Variants in SCEL observed in about 807,000 individuals in gnomAD.
SCEL encodes the protein sciellin.
A neutral mutation model predicts 117.6 loss-of-function variants in SCEL; 113 were observed. That is an observed-to-expected ratio of 0.96 (90% confidence interval 0.83 to 1.12). The LOEUF (loss-of-function observed/expected upper bound fraction) is 1.12, where lower values mean the gene tolerates loss of function less well. Ranked by LOEUF, SCEL falls within the 50% of genes most tolerant of loss-of-function variation. The pLI, the probability that SCEL is intolerant of heterozygous loss-of-function variation, is 0.00. For missense variants in SCEL, 785 were observed against 810.8 expected (o/e 0.97, Z 0.39); for synonymous variants, 270 against 256.2 (o/e 1.05, Z -0.51).
chr13:77,541,021 G>C (rs980750826), intron 1 of SCEL, among the ~76,000 whole-genome samples: 1 of 152,170 alleles, frequency 6.6e-6, no homozygotes, highest in Non-Finnish European at 1.5e-5. Context: ...TCAGAAAGAA[G>C]ATTGATGGAT....
At chr13:77,603,220 C>T (rs913175296) in intron 18 of SCEL, 85 bp downstream of exon 18, 13 of 756,918 alleles carry the variant, frequency 1.7e-5, no homozygotes, top group South Asian at 4.0e-5. Context: ...GCTTCATAAT[C>T]GTGTTTTATT....
At chr13:77,557,970 T>A (rs1357500457) in intron 3 of SCEL, among the ~76,000 whole-genome samples, 2 of 152,216 alleles carry the variant, frequency 1.3e-5, no homozygotes, top group Non-Finnish European at 2.9e-5. Flanking sequence ...AGGAAATATA[T>A]GGGTGTTTAG....
chr13:77,599,932 G>A (rs182224386), intron 15 of SCEL, 184 bp downstream of exon 15: 136 of 562,508 alleles, frequency 2.4e-4, no homozygotes, highest in African/African-American at 2.1e-3. Context: ...GTGACCCTGG[G>A]CAAGTTGTGT....
In SCEL at chr13:77,587,523, C is replaced by T. The variant is rs376777045; in HGVS notation, c.546-1621C>T. On this transcript the variant is annotated intron_variant, in intron 9 of 32. Coordinates refer to ENST00000349847, the MANE Select transcript of SCEL (RefSeq NM_144777.3). Reference sequence around the variant, plus strand: ...TTCCCCATTTTTTCCTAAATCCACTCGTATGATTTTTTTTTCTTTTCCCAC... The same window carrying T: ...TTCCCCATTTTTTCCTAAATCCACTTGTATGATTTTTTTTTCTTTTCCCAC... Among the ~76,000 whole-genome samples, 55 of 152,168 alleles carry T rather than the reference C, an allele frequency of 3.6e-4. No individual in the cohort carries two copies. The South Asian group carries it at 0.01, about 28-fold the overall frequency.
intron 29 of SCEL, among the ~76,000 whole-genome samples, chr13:77,634,841 A>G (rs2090198752): frequency 6.6e-6 from 1 of 152,198 alleles, no homozygotes; most frequent in African/African-American, 2.4e-5. Flanking sequence ...CCAATCTAAA[A>G]TAAGGGGTAT....
chr13:77,555,892 T>A lies in SCEL; in HGVS notation c.17T>A (p.Leu6Ter). 1.2e-6 allele frequency: 2 copies of A among 1,613,530 alleles called. No homozygotes were observed. The highest frequency in any genetic ancestry group is 1.7e-6 in the Non-Finnish European group (2 of 1,179,564). ...GAAGGCAGCATGTCCAATGTTACCTTGAGAAAAATGTCTCCCACAGGAAAT... is the reference window on the plus strand; with the variant it reads ...GAAGGCAGCATGTCCAATGTTACCTAGAGAAAAATGTCTCCCACAGGAAAT... MSNVT[L>*]RKMSPTGNEM... Residue 6 changes from leucine to a stop codon, truncating the protein, a stop_gained, in exon 2 of 33, where the codon TTG (leucine) becomes TAG (stop). Transcript: ENST00000349847. LOFTEE classifies it high-confidence loss of function.
chr13:77,608,056 G>A lies in SCEL; in HGVS notation c.1158G>A (p.Arg386=). The change falls in exon 20 of 33, where the codon AGG becomes AGA. Residue 386 remains arginine (R), a splice_region_variant and synonymous_variant. Coordinates refer to ENST00000349847, the MANE Select transcript of SCEL (RefSeq NM_144777.3). ...VDPETNKNIT[R]GQSLDNLIKV... ...TAACCATTTCTTCAATGTTTTAAAGGGGCCAGAGCCTTGATAATCTCATCA... is the reference window on the plus strand; with the variant it reads ...TAACCATTTCTTCAATGTTTTAAAGAGGCCAGAGCCTTGATAATCTCATCA... The A allele has an allele frequency of 6.2e-7, 1 of 1,610,854 alleles. No homozygotes were observed. The highest frequency in any genetic ancestry group is 8.5e-7 in the Non-Finnish European group (1 of 1,178,414).
chr13:77,599,970 T>C, intron 15 of SCEL: 1 of 523,946 alleles, frequency 1.9e-6, no homozygotes, highest in East Asian at 3.1e-5. Flanking sequence ...GTTTCCTCAT[T>C]CCATAAAATG....
intron 1 of SCEL, among the ~76,000 whole-genome samples, chr13:77,546,157 A>G (rs2154394530): frequency 1.3e-5 from 2 of 152,286 alleles, no homozygotes; most frequent in Admixed American, 1.3e-4. Flanking sequence ...GTGAGTTTTG[A>G]GGCTGAGCTA....
chr13:77,601,964 T>G, intron 15 of SCEL, 101 bp from the exon 16 acceptor site: 1 of 840,686 alleles, frequency 1.2e-6, no homozygotes, highest in Non-Finnish European at 1.8e-6. Flanking sequence ...GAGATTCTCT[T>G]GTGGGAAATC....
intron 19 of SCEL, among the ~76,000 whole-genome samples, chr13:77,605,170 C>T (rs1401342157): frequency 6.6e-6 from 1 of 152,140 alleles, no homozygotes; most frequent in Non-Finnish European, 1.5e-5. Context: ...CATGTAGTTT[C>T]CCTTGAATTC....
chr13:77,624,900 CA>C (rs2089649727), intron 27 of SCEL, among the ~76,000 whole-genome samples: 1 of 151,834 alleles, frequency 6.6e-6, no homozygotes, highest in Non-Finnish European at 1.5e-5. Context: ...GAGGTTTCCC[CA>C]AAAAAGAAAA....
chr13:77,610,134 C>G (rs117243936), intron 22 of SCEL, 28 bp downstream of exon 22: 2 of 1,525,096 alleles, frequency 1.3e-6, no homozygotes, highest in Non-Finnish European at 1.8e-6. Context: ...CTCTATTTCT[C>G]CCCCCTTTTT....
At position 77,618,056 on chromosome 13, in the gene SCEL, A is replaced by G; in HGVS notation, c.1624A>G (p.Asn542Asp). 1 of 1,610,950 alleles carries G rather than the reference A, an allele frequency of 6.2e-7. No homozygotes were observed. The highest frequency in any genetic ancestry group is 8.5e-7 in the Non-Finnish European group (1 of 1,177,212). The change falls in exon 27 of 33, where the codon AAT (asparagine) becomes GAT (aspartate). Residue 542 changes from asparagine to aspartate, a missense_variant. By Grantham distance (23) the Asn-to-Asp change is conservative. Transcript: ENST00000349847. ...KVKPSALRNT[N>D]RDQNLENLIE... is the part of the protein sequence containing the mutation. Reference sequence around the variant, plus strand: ...GAAACCTTCAGCTCTTAGAAACACTAATCGGTAAATGACCTTGACTATCTT... The same window carrying G: ...GAAACCTTCAGCTCTTAGAAACACTGATCGGTAAATGACCTTGACTATCTT...
chr13:77,581,374 A>G (rs1327148721), intron 9 of SCEL, among the ~76,000 whole-genome samples: 1 of 152,210 alleles, frequency 6.6e-6, no homozygotes, highest in Non-Finnish European at 1.5e-5. Flanking sequence ...TTTAGCAATG[A>G]ATTATTTTTT....
At chr13:77,544,342 A>G (rs2083883290) in intron 1 of SCEL, among the ~76,000 whole-genome samples, 1 of 152,142 alleles carries the variant, frequency 6.6e-6, no homozygotes, top group Admixed American at 6.5e-5. Context: ...TGTTCACACA[A>G]TCTTTCTTAA....
At chr13:77,630,714 A>AT (rs2089983869) in intron 28 of SCEL, among the ~76,000 whole-genome samples, 1 of 152,198 alleles carries the variant, frequency 6.6e-6, no homozygotes, top group Admixed American at 6.5e-5. Context: ...ACATTTTCTC[A>AT]AGTGTAAATC....
chr13:77,605,356 A>G (rs1330854860), intron 19 of SCEL, among the ~76,000 whole-genome samples: 9 of 152,306 alleles, frequency 5.9e-5, no homozygotes, highest in South Asian at 2.1e-4. Flanking sequence ...CCGCGACCCA[A>G]TGAATTCAAG....
rs1434966792 is a variant in SCEL, at chr13:77,645,122, C to T, written c.*848C>T. On this transcript the variant is annotated 3_prime_UTR_variant, in exon 33 of 33. Coordinates refer to ENST00000349847, the MANE Select transcript of SCEL (RefSeq NM_144777.3). The stretch of plus-strand genomic sequence containing the variant: ...ATTTTCTTTGTATACATTTCAAAAT[C>T]TGGGTATACTTATAATCCATTAGAA... 6.6e-6 allele frequency: 1 copy of T among 151,912 alleles called. No homozygotes were observed. The highest frequency in any genetic ancestry group is 1.5e-5 in the Non-Finnish European group (1 of 67,938). 9.4% of individuals were successfully genotyped at this position (151,912 alleles called of 1,614,324 possible).
Sources: allele counts gnomAD v4.1 joint callset (sites outside exome capture counted in the v4.1 genomes callset), GRCh38; gene constraint gnomAD v4.1.1; transcripts MANE v1.5; gene names NCBI Gene and HGNC (gene_info 2026-07-23, HGNC 2026-07-21).